SGCD: variants seen among roughly 807,000 people sequenced by gnomAD.
SGCD encodes the protein sarcoglycan delta.
In SGCD, 18 loss-of-function variants were observed where a neutral mutation model predicts 36.6. The ratio of observed to expected loss-of-function variants is 0.49; its 90% CI spans 0.34 to 0.73. The LOEUF is 0.73. Among genes scored for constraint, SGCD ranks in the 30% least tolerant of loss-of-function variants. SGCD has a pLI of 0.01. For synonymous variants in SGCD, 133 were observed against 130.6 expected, an observed-to-expected ratio of 1.02 and a Z score of -0.12; for missense variants, 387 against 346.7, an observed-to-expected ratio of 1.12 and a Z score of -0.92.
At chr5:156,650,867 C>T (rs13354782) in intron 7 of SGCD, among the ~76,000 whole-genome samples, 3,264 of 152,252 alleles carry the variant, frequency 0.021, 73 homozygotes, top group African/African-American at 0.046. Context: ...ATTGCTCGGT[C>T]AGTTAGTAAT....
intron 3 of SGCD, among the ~76,000 whole-genome samples, chr5:156,477,769 GAGGTAAA>G (rs1444460585): frequency 6.6e-6 from 1 of 151,738 alleles, no homozygotes; most frequent in East Asian, 1.9e-4. Context: ...AATAGTAATG[GAGGTAAA>G]AGGTAAAATG....
At chr5:156,406,788 T>TTTTATA (rs1772431990) in intron 3 of SGCD, among the ~76,000 whole-genome samples, 2 of 30,206 alleles carry the variant, frequency 6.6e-5, no homozygotes, top group African/African-American at 1.5e-4. Flanking sequence ...TAATAGGAGA[T>TTTTATA]TTTATATATA....
the SGCD span, among the ~76,000 whole-genome samples, chr5:155,755,226 G>A: frequency 6.6e-6 from 1 of 152,260 alleles, no homozygotes; most frequent in African/African-American, 2.4e-5. Flanking sequence ...ATTGAATCAA[G>A]CTGCTTTCTC....
In SGCD at chr5:156,487,788, C is replaced by CA. The variant is rs56006984; in HGVS notation, c.193-20785dup. Among the ~76,000 whole-genome samples the CA allele has an allele frequency of 6.5e-4, 27 of 41,384 alleles. 1 individual carries two copies. The highest frequency in any genetic ancestry group is 1.8e-3 in the East Asian group (2 of 1,088). 27.1% of individuals were successfully genotyped at this position (41,384 alleles called of 152,430 possible). On this transcript the variant is annotated intron_variant, in intron 3 of 8. Transcript: ENST00000337851. ...GGGCAACAGAGTGAGACTCTGTCAC[C>CA]AAAAAAAAAAAAAAAAAAAAAAAAA...
intron 1 of SGCD, among the ~76,000 whole-genome samples, chr5:156,052,834 A>G (rs1036070459): frequency 1.4e-5 from 2 of 146,638 alleles, no homozygotes; most frequent in East Asian, 1.9e-4. Context: ...ACTTGGGCAC[A>G]GGGATATTTG....
chr5:156,191,666 G>A (rs1763898238), intron 3 of SGCD, among the ~76,000 whole-genome samples: 1 of 152,094 alleles, frequency 6.6e-6, no homozygotes, highest in Admixed American at 6.5e-5. Context: ...TCTGAGCTTA[G>A]TGGCTATACA....
intron 6 of SGCD, among the ~76,000 whole-genome samples, chr5:156,640,002 C>T (rs906316697): frequency 6.6e-6 from 1 of 152,082 alleles, no homozygotes; most frequent in African/African-American, 2.4e-5. Context: ...ATCTACCTGC[C>T]AGTGACTCCC....
intron 1 of SGCD, among the ~76,000 whole-genome samples, chr5:156,014,586 A>T (rs1366688715): frequency 6.6e-6 from 1 of 152,206 alleles, no homozygotes; most frequent in African/African-American, 2.4e-5. Flanking sequence ...TAGTAAATTT[A>T]TCAACCTCAG....
intron 8 of SGCD, 66 bp downstream of exon 8, chr5:156,757,770 T>C (rs1757397534): frequency 6.4e-7 from 1 of 1,553,302 alleles, no homozygotes; most frequent in South Asian, 1.2e-5. Context: ...TTCCCATAAC[T>C]GGTTGACCTC....
chr5:156,306,929 A>G (rs528517675), intron 3 of SGCD, among the ~76,000 whole-genome samples: 1 of 152,168 alleles, frequency 6.6e-6, no homozygotes, highest in African/African-American at 2.4e-5. Context: ...TTATTAATAT[A>G]TAATGGCATT....
chr5:156,136,232 C>A (rs1215928346), intron 3 of SGCD, among the ~76,000 whole-genome samples: 1 of 152,172 alleles, frequency 6.6e-6, no homozygotes, highest in Non-Finnish European at 1.5e-5. Context: ...CTCGCCTCAG[C>A]TTCCTGAGTA....
At chr5:155,878,172 A>G (rs1183210455) in intron 1 of SGCD, among the ~76,000 whole-genome samples, 1 of 152,110 alleles carries the variant, frequency 6.6e-6, no homozygotes, top group East Asian at 1.9e-4. Context: ...AAAAACAACA[A>G]CAACAAAAAA....
intron 1 of SGCD, among the ~76,000 whole-genome samples, chr5:156,073,044 CAA>C (rs1561707027): frequency 1.3e-5 from 2 of 152,092 alleles, no homozygotes; most frequent in Admixed American, 6.6e-5. Flanking sequence ...AAATTTTTTT[CAA>C]AGTTTTCAAC....
chr5:156,759,066 G>A, intron 8 of SGCD, 151 bp from the exon 9 acceptor site: 1 of 614,032 alleles, frequency 1.6e-6, no homozygotes, highest in East Asian at 2.8e-5. Flanking sequence ...CATCTTGTTG[G>A]TATCCAAATC....
At chr5:155,906,593 G>A (rs1756516633) in intron 1 of SGCD, among the ~76,000 whole-genome samples, 2 of 152,250 alleles carry the variant, frequency 1.3e-5, no homozygotes, top group East Asian at 3.9e-4. Flanking sequence ...TGGTCTAGAT[G>A]GAAGATGAAA....
chr5:156,062,463 G>A (rs1713174069), intron 1 of SGCD, among the ~76,000 whole-genome samples: 1 of 116,634 alleles, frequency 8.6e-6, no homozygotes, highest in East Asian at 2.2e-4. Flanking sequence ...TGGGATGGCT[G>A]GGTCAAATGG....
the SGCD span, among the ~76,000 whole-genome samples, chr5:155,827,845 A>ATTTTTTTTTTTTTTTTT: frequency 1.6e-5 from 2 of 124,934 alleles, no homozygotes; most frequent in Non-Finnish European, 3.3e-5. Context: ...CACCTGGCTA[A>ATTTTTTTTTTTTTTTTT]TTTTTTTTTT....
chr5:155,973,041 T>A (rs1048170052), intron 1 of SGCD, among the ~76,000 whole-genome samples: 5 of 152,188 alleles, frequency 3.3e-5, no homozygotes, highest in African/African-American at 9.6e-5. Context: ...TTTAAAATTG[T>A]TATATAGACA....
At chr5:156,703,860 C>G (rs1754629930) in intron 7 of SGCD, among the ~76,000 whole-genome samples, 1 of 151,924 alleles carries the variant, frequency 6.6e-6, no homozygotes, top group African/African-American at 2.4e-5. Flanking sequence ...TGGCTTTGAG[C>G]TGCTTTTGTG....
Sources: allele counts gnomAD v4.1 joint callset (sites outside exome capture counted in the v4.1 genomes callset), GRCh38; gene constraint gnomAD v4.1.1; transcripts MANE v1.5; gene names NCBI Gene and HGNC (gene_info 2026-07-23, HGNC 2026-07-21).